Variants in TMEM132C observed in about 807,000 individuals in gnomAD.
The protein encoded by TMEM132C is transmembrane protein 132C, also known as protein phosphatase 1, regulatory subunit 152.
In TMEM132C, 29 loss-of-function variants were observed where a neutral mutation model predicts 61.4. That is an observed-to-expected ratio of 0.47 (90% CI 0.35 to 0.64). The LOEUF (loss-of-function observed/expected upper bound fraction) is 0.64. Among genes scored for constraint, TMEM132C ranks in the 30% least tolerant of loss-of-function variants. The pLI, the probability that TMEM132C is intolerant of heterozygous loss-of-function variation, is 0.00. For missense variants in TMEM132C, 1,408 were observed against 1,476.9 expected, an observed-to-expected ratio of 0.95 and a Z score of 0.76; for synonymous variants, 656 against 633.1, an observed-to-expected ratio of 1.04 and a Z score of -0.54.
chr12:128,540,543 C>T (rs1357269491), intron 2 of TMEM132C, among the ~76,000 whole-genome samples: 12 of 152,172 alleles, frequency 7.9e-5, no homozygotes, highest in Admixed American at 3.9e-4. Flanking sequence ...TGAGCCACCA[C>T]GCCCAGCCAA....
intron 1 of TMEM132C, among the ~76,000 whole-genome samples, chr12:128,371,457 C>T (rs1183545604): frequency 6.6e-6 from 1 of 152,132 alleles, no homozygotes; most frequent in African/African-American, 2.4e-5. Flanking sequence ...CATCTTGGGG[C>T]TTCTGTTGGC....
rs370891517 is a variant in TMEM132C at position 128,378,406 on chromosome 12, A to G, written c.86-36326A>G. 7.6e-5 allele frequency among the ~76,000 whole-genome samples: 11 copies of G among 145,214 alleles called. No individual in the cohort carries two copies. The East Asian group carries it at 1.4e-3, about 19-fold the overall frequency. The stretch of plus-strand genomic sequence containing the variant: ...GCTGGGATTACAGGCGTGAGCCACC[A>G]CGCCTGGCCAAGAGCAGATTTTTTT... On this transcript the variant is annotated intron_variant, in intron 1 of 8. Transcript: ENST00000435159.
chr12:128,340,801 T>C (rs142884934), intron 1 of TMEM132C, among the ~76,000 whole-genome samples: 279 of 128,534 alleles, frequency 2.2e-3, no homozygotes, highest in African/African-American at 8.5e-3. Flanking sequence ...CTCTCTCTCT[T>C]TCTTTCTTTC....
chr12:128,502,512 A>G (rs981196121), intron 2 of TMEM132C, among the ~76,000 whole-genome samples: 1 of 152,218 alleles, frequency 6.6e-6, no homozygotes, highest in Non-Finnish European at 1.5e-5. Flanking sequence ...GGCAGAGATC[A>G]TCACCTTTTT....
intron 3 of TMEM132C, among the ~76,000 whole-genome samples, chr12:128,596,344 C>T (rs763952519): frequency 6.8e-6 from 1 of 147,088 alleles, no homozygotes; most frequent in Non-Finnish European, 1.5e-5. Flanking sequence ...CTCCATCACA[C>T]TGGGCTGCCC....
chr12:128,526,532 A>T (rs984031350), intron 2 of TMEM132C, among the ~76,000 whole-genome samples: 4 of 152,244 alleles, frequency 2.6e-5, no homozygotes, highest in Admixed American at 1.3e-4. Flanking sequence ...TGAGTTGGGG[A>T]TGATGCAAAC....
At chr12:128,390,723 G>A (rs968950513) in intron 1 of TMEM132C, among the ~76,000 whole-genome samples, 3 of 152,156 alleles carry the variant, frequency 2.0e-5, no homozygotes, top group Admixed American at 6.5e-5. Context: ...GATTTCTGAT[G>A]TATAAAGATC....
At chr12:128,506,001 G>A (rs1018817557) in intron 2 of TMEM132C, among the ~76,000 whole-genome samples, 1 of 152,188 alleles carries the variant, frequency 6.6e-6, no homozygotes, top group South Asian at 2.1e-4. Flanking sequence ...ACCAGACCAT[G>A]GCGGCATAAA....
intron 4 of TMEM132C, among the ~76,000 whole-genome samples, chr12:128,627,877 G>A: frequency 6.6e-6 from 1 of 152,212 alleles, no homozygotes; most frequent in East Asian, 1.9e-4. Context: ...TGAAACTGCT[G>A]GACAGCTCAC....
At chr12:128,561,836 A>G (rs1045660355) in intron 3 of TMEM132C, among the ~76,000 whole-genome samples, 1 of 152,206 alleles carries the variant, frequency 6.6e-6, no homozygotes, top group African/African-American at 2.4e-5. Flanking sequence ...TCTGCTCTGC[A>G]ATGCCATCAG....
At chr12:128,313,102 G>C (rs1277853111) in intron 1 of TMEM132C, among the ~76,000 whole-genome samples, 1 of 152,242 alleles carries the variant, frequency 6.6e-6, no homozygotes, top group East Asian at 1.9e-4. Context: ...CGGCCTGCAA[G>C]GGGGTGTCTT....
intron 2 of TMEM132C, among the ~76,000 whole-genome samples, chr12:128,430,754 C>T (rs1166271523): frequency 6.6e-6 from 1 of 152,094 alleles, no homozygotes; most frequent in East Asian, 1.9e-4. Flanking sequence ...GATAGGTGAT[C>T]TGTGATGTTA....
At chr12:128,513,139 C>T (rs1240989164) in intron 2 of TMEM132C, among the ~76,000 whole-genome samples, 1 of 152,006 alleles carries the variant, frequency 6.6e-6, no homozygotes. Context: ...CCAGAATGGA[C>T]CCTCTGGGGA....
chr12:128,528,361 T>G (rs1368961935), intron 2 of TMEM132C, among the ~76,000 whole-genome samples: 1 of 152,204 alleles, frequency 6.6e-6, no homozygotes, highest in African/African-American at 2.4e-5. Flanking sequence ...CCAGTCTACA[T>G]TCTGAAATAG....
At chr12:128,505,503 G>T (rs1390382497) in intron 2 of TMEM132C, among the ~76,000 whole-genome samples, 1 of 152,118 alleles carries the variant, frequency 6.6e-6, no homozygotes, top group Non-Finnish European at 1.5e-5. Flanking sequence ...TGAAATTGGG[G>T]CCCTGGTACC....
intron 1 of TMEM132C, among the ~76,000 whole-genome samples, chr12:128,289,691 T>G (rs979551783): frequency 6.6e-6 from 1 of 152,206 alleles, no homozygotes; most frequent in Admixed American, 6.5e-5. Context: ...CCCTATATGA[T>G]TCTCAATAAT....
intron 3 of TMEM132C, among the ~76,000 whole-genome samples, chr12:128,566,079 G>A (rs1272325188): frequency 1.3e-5 from 2 of 151,110 alleles, no homozygotes; most frequent in Non-Finnish European, 2.9e-5. Flanking sequence ...TAGCAGAAAT[G>A]GGGTTTCGCC....
chr12:128,689,601 A>G (rs1954703779), intron 5 of TMEM132C, among the ~76,000 whole-genome samples: 4 of 152,184 alleles, frequency 2.6e-5, no homozygotes, highest in Admixed American at 2.0e-4. Flanking sequence ...TGATTTTTGA[A>G]CATAAGTTTG....
At chr12:128,608,813 G>A (rs1876515173) in intron 3 of TMEM132C, among the ~76,000 whole-genome samples, 1 of 152,154 alleles carries the variant, frequency 6.6e-6, no homozygotes, top group South Asian at 2.1e-4. Context: ...AGCCAGGATG[G>A]AGAGCCCCTG....
Sources: gnomAD v4.1 joint callset for allele counts (sites outside exome capture counted in the v4.1 genomes callset) on GRCh38, gnomAD v4.1.1 for gene constraint, MANE v1.5 for transcripts, NCBI Gene and HGNC (gene_info 2026-07-23, HGNC 2026-07-21) for gene names.